The following GMCL1 variants were observed in gnomAD, a reference collection of about 807,000 sequenced individuals.
GMCL1 encodes the protein germ cell-less 1, spermatogenesis associated.
GMCL1 carries 54 observed loss-of-function variants against 75.5 expected under a neutral mutation model. That is an observed-to-expected ratio of 0.71 (90% CI 0.57 to 0.90). GMCL1 has a LOEUF of 0.90. Among genes scored for constraint, GMCL1 ranks in the 40% least tolerant of loss-of-function variants. The pLI, the probability that GMCL1 is intolerant of heterozygous loss-of-function variation, is 0.00. For missense variants in GMCL1, 537 were observed against 622.7 expected, an observed-to-expected ratio of 0.86 and a Z score of 1.47; for synonymous variants, 210 against 209.6, an observed-to-expected ratio of 1.00 and a Z score of -0.02.
At chr2:69,837,492 T>C (rs1669785974) in intron 1 of GMCL1, 55 bp from the exon 2 acceptor site, 2 of 1,279,940 alleles carry the variant, frequency 1.6e-6, no homozygotes, top group South Asian at 1.4e-5. Context: ...ATATGCAAAA[T>C]CAGTAAAACA....
Position 69,858,696 on chromosome 2 carries a change from T to G in GMCL1, c.1073-2582T>G, listed in dbSNP as rs114822026. 6.5e-3 allele frequency among the ~76,000 whole-genome samples: 986 copies of G among 152,308 alleles called. 11 individuals are homozygous for G. The highest frequency in any genetic ancestry group is 0.023 in the African/African-American group (945 of 41,574). Reference sequence around the variant, plus strand: ...TTTTAAGACATGGGACCTAGAATCCTTGAGCTACCAATGACCAGAAAGATT... The same window carrying G: ...TTTTAAGACATGGGACCTAGAATCCGTGAGCTACCAATGACCAGAAAGATT... On this transcript the variant is annotated intron_variant, in intron 9 of 13. Transcript: ENST00000282570.
In GMCL1 at chr2:69,835,182, C is replaced by T. The variant is rs193073795; in HGVS notation, c.261-2365C>T. 2.6e-5 allele frequency among the ~76,000 whole-genome samples: 4 copies of T among 151,568 alleles called. No homozygotes were observed. In the East Asian group the frequency reaches 6.0e-4, roughly 23 times the overall value. ...TTATTCATTCTTAAATATAAGTGGA[C>T]AAGCAAGGAAGGATCACCCAACATG... On this transcript the variant is annotated intron_variant, in intron 1 of 13. Transcript: ENST00000282570.
rs756121135 is a variant in GMCL1 at position 69,849,636 on chromosome 2, AT to A, written c.844-8del. 1.8e-4 allele frequency: 256 copies of A among 1,444,408 alleles called. No homozygotes were observed. Among genetic ancestry groups the A allele is most frequent in the Admixed American group, 4.3e-4 (19 of 44,460 alleles). The allele number at this position is 1,444,408 out of a possible 1,614,324, so 89.5% of individuals were successfully genotyped here. A position where few individuals can be genotyped will look rare whatever the true frequency, so the allele number is the denominator to read the frequency against. On this transcript the variant is annotated splice_polypyrimidine_tract_variant and intron_variant, in intron 7 of 13. Transcript: ENST00000282570. ...AATTTCATAATTGTTTTCTTATTTA[AT>A]TTTTTTTAACTTAGTGGATGTTCCT...
chr2:69,877,985 G>T (rs1425818343), intron 13 of GMCL1, among the ~76,000 whole-genome samples: 1 of 152,094 alleles, frequency 6.6e-6, no homozygotes, highest in African/African-American at 2.4e-5. Flanking sequence ...CATTTAAAAC[G>T]TAGGAATTCT....
Position 69,878,939 on chromosome 2 carries a change from C to CTTCT in GMCL1, c.1484_1487dup (p.Ile497SerfsTer10). Reference sequence around the variant, plus strand: ...AGTGGTGATGAACTTGGACAGCAGGCTTCTGATCTTCCCTTTATATATCTG... The same window carrying CTTCT: ...AGTGGTGATGAACTTGGACAGCAGGCTTCTTTCTGATCTTCCCTTTATATATCTG... On this transcript the variant is annotated frameshift_variant, in exon 14 of 14. Transcript: ENST00000282570. LOFTEE classifies it high-confidence loss of function. 6.2e-7 allele frequency: 1 copy of CTTCT among 1,609,842 alleles called. No individual in the cohort carries two copies. Among genetic ancestry groups the CTTCT allele is most frequent in the Non-Finnish European group, 8.5e-7 (1 of 1,176,288 alleles).
chr2:69,849,982 C>T lies in GMCL1; in HGVS notation c.934+240C>T, dbSNP rs751638419. On this transcript the variant is annotated intron_variant, in intron 8 of 13. Transcript: ENST00000282570. ...TTAACTATCATTATCTGAATTGTTACTCCTTGAACTGTCATCATACTCTTG... is the reference window on the plus strand; with the variant it reads ...TTAACTATCATTATCTGAATTGTTATTCCTTGAACTGTCATCATACTCTTG... Among the ~76,000 whole-genome samples, 26 of 152,184 alleles carry T rather than the reference C, an allele frequency of 1.7e-4. 1 individual carries two copies. Among genetic ancestry groups the T allele is most frequent in the Non-Finnish European group, 1.2e-4 (8 of 68,026 alleles).
At chr2:69,862,788 A>G (rs1333433690) in intron 10 of GMCL1, among the ~76,000 whole-genome samples, 1 of 152,190 alleles carries the variant, frequency 6.6e-6, no homozygotes, top group Non-Finnish European at 1.5e-5. Context: ...TGAAATACAA[A>G]TAATAAATTG....
chr2:69,830,095 CGGACGA>C lies in GMCL1; in HGVS notation c.207_212del (p.Asp71_Glu72del). ...TGCTACTGTCACCCTGACTCGGAGACGGACGAGGATGAGGAGGAGGGGGACGAGCAG... is the reference window on the plus strand; with the variant it reads ...TGCTACTGTCACCCTGACTCGGAGACGGATGAGGAGGAGGGGGACGAGCAG... On this transcript the variant is annotated inframe_deletion, in exon 1 of 14. Transcript: ENST00000282570. The C allele has an allele frequency of 6.3e-7, 1 of 1,578,454 alleles. No homozygotes were observed. Among genetic ancestry groups the C allele is most frequent in the Admixed American group, 1.8e-5 (1 of 54,338 alleles).
chr2:69,834,603 TTC>T (rs1332745508), intron 1 of GMCL1, among the ~76,000 whole-genome samples: 1 of 152,196 alleles, frequency 6.6e-6, no homozygotes, highest in Non-Finnish European at 1.5e-5. Context: ...TCTGGTGTAA[TTC>T]TCTTTTCAGG....
chr2:69,863,354 G>A (rs1026156559), intron 10 of GMCL1, among the ~76,000 whole-genome samples: 2 of 152,156 alleles, frequency 1.3e-5, no homozygotes, highest in Non-Finnish European at 2.9e-5. Flanking sequence ...CAGATACCAA[G>A]CATCTGCTCA....
At chr2:69,859,742 T>TAAAAAAAAA (rs1207817401) in intron 9 of GMCL1, among the ~76,000 whole-genome samples, 8 of 79,124 alleles carry the variant, frequency 1.0e-4, no homozygotes, top group South Asian at 4.5e-4. Context: ...TCTCTCTCTC[T>TAAAAAAAAA]AAAAAAAAAA....
chr2:69,843,300 T>A, intron 5 of GMCL1, 39 bp downstream of exon 5: 1 of 1,139,114 alleles, frequency 8.8e-7, no homozygotes, highest in Non-Finnish European at 1.3e-6. Flanking sequence ...ATCCCACTTT[T>A]AGGAATTTGG....
intron 9 of GMCL1, among the ~76,000 whole-genome samples, chr2:69,856,612 G>C (rs911343482): frequency 6.1e-5 from 9 of 147,028 alleles, no homozygotes; most frequent in African/African-American, 5.0e-5. Flanking sequence ...TGGAACCAGG[G>C]ACAACAAAAT....
intron 1 of GMCL1, among the ~76,000 whole-genome samples, chr2:69,835,851 A>G (rs1245809813): frequency 6.6e-6 from 1 of 152,188 alleles, no homozygotes; most frequent in Non-Finnish European, 1.5e-5. Context: ...TGAATTTCAC[A>G]CACGGTTTGG....
intron 8 of GMCL1, among the ~76,000 whole-genome samples, chr2:69,850,740 T>G (rs770225752): frequency 2.2e-4 from 33 of 152,236 alleles, no homozygotes; most frequent in Non-Finnish European, 4.7e-4. Flanking sequence ...TACCATTTCT[T>G]AATTCCCATG....
Position 69,829,890 on chromosome 2 carries a change from C to G in GMCL1, c.-3C>G, listed in dbSNP as rs1465468968. The G allele has an allele frequency of 6.3e-7, 1 of 1,593,964 alleles. No homozygotes were observed. Among genetic ancestry groups the G allele is most frequent in the Admixed American group, 1.7e-5 (1 of 58,270 alleles). Reference sequence around the variant, plus strand: ...TCCCTGAAGTCTCGGGGAGCCGTGACCCATGGGATCGTTGAGCAGCCGGGT... The same window carrying G: ...TCCCTGAAGTCTCGGGGAGCCGTGAGCCATGGGATCGTTGAGCAGCCGGGT... On this transcript the variant is annotated 5_prime_UTR_variant, in exon 1 of 14. Coordinates refer to ENST00000282570, the MANE Select transcript of GMCL1 (RefSeq NM_178439.5).
chr2:69,871,695 C>A, intron 12 of GMCL1, 50 bp from the exon 13 acceptor site: 4 of 956,560 alleles, frequency 4.2e-6, no homozygotes, highest in South Asian at 1.5e-5. Flanking sequence ...CTTGTTTAAT[C>A]TGTGGTTTAA....
intron 1 of GMCL1, among the ~76,000 whole-genome samples, chr2:69,830,619 G>A (rs1261287098): frequency 6.6e-6 from 1 of 152,172 alleles, no homozygotes; most frequent in East Asian, 1.9e-4. Flanking sequence ...AGGAGTTCTT[G>A]TTAATTGTAA....
chr2:69,838,651 A>G (rs1674893846), intron 2 of GMCL1, among the ~76,000 whole-genome samples: 1 of 152,212 alleles, frequency 6.6e-6, no homozygotes, highest in African/African-American at 2.4e-5. Context: ...TTTGGCTTGA[A>G]GTATGTTGCC....
Sources: gnomAD v4.1 joint callset for allele counts (sites outside exome capture counted in the v4.1 genomes callset) on GRCh38, gnomAD v4.1.1 for gene constraint, MANE v1.5 for transcripts, NCBI Gene and HGNC (gene_info 2026-07-23, HGNC 2026-07-21) for gene names.